The following HS3ST2 variants were observed in gnomAD, a reference collection of about 807,000 sequenced individuals.
The protein encoded by HS3ST2 is heparan sulfate glucosamine 3-O-sulfotransferase 2.
HS3ST2 carries 17 observed loss-of-function variants against 26.3 expected under a neutral mutation model. The observed-to-expected ratio is 0.65, with a 90% CI of 0.44 to 0.97. The LOEUF (loss-of-function observed/expected upper bound fraction) is 0.97, where lower values mean the gene tolerates loss of function less well. HS3ST2 is among the 50% of genes least tolerant of loss of function. HS3ST2 has a pLI of 0.00. For missense variants in HS3ST2, 402 were observed against 501.2 expected (o/e 0.80, Z 1.89); for synonymous variants, 237 against 219.2 (o/e 1.08, Z -0.72).
chr16:22,881,787 T>C (rs1298932599), intron 1 of HS3ST2, among the ~76,000 whole-genome samples: 1 of 152,192 alleles, frequency 6.6e-6, no homozygotes, highest in Non-Finnish European at 1.5e-5. Flanking sequence ...TGTGGGTCCT[T>C]TGCTCACTTC....
intron 1 of HS3ST2, among the ~76,000 whole-genome samples, chr16:22,894,132 G>A (rs1461630342): frequency 6.6e-6 from 1 of 151,962 alleles, no homozygotes; most frequent in Non-Finnish European, 1.5e-5. Flanking sequence ...TGCTTTCCTT[G>A]TAATACATTG....
At chr16:22,907,428 T>G (rs1902370380) in intron 1 of HS3ST2, among the ~76,000 whole-genome samples, 1 of 152,076 alleles carries the variant, frequency 6.6e-6, no homozygotes, top group Non-Finnish European at 1.5e-5. Flanking sequence ...GAAAAAACAA[T>G]AGGAGCATGG....
intron 1 of HS3ST2, among the ~76,000 whole-genome samples, chr16:22,832,151 C>CTTTTTT: frequency 8.7e-6 from 1 of 115,468 alleles, no homozygotes; most frequent in African/African-American, 3.2e-5. Flanking sequence ...CCCAGCTGAT[C>CTTTTTT]TTTTTTTTTT....
chr16:22,847,186 C>T (rs1022197013), intron 1 of HS3ST2, among the ~76,000 whole-genome samples: 5 of 152,174 alleles, frequency 3.3e-5, no homozygotes, highest in Admixed American at 6.5e-5. Flanking sequence ...ACTTTGAGTC[C>T]GTGTGTTCTC....
chr16:22,910,406 T>C (rs756627577), intron 1 of HS3ST2, among the ~76,000 whole-genome samples: 11 of 152,234 alleles, frequency 7.2e-5, no homozygotes, highest in South Asian at 2.1e-4. Context: ...GTTACACTTA[T>C]GTAATTTCAT....
chr16:22,858,629 G>A (rs1901634275), intron 1 of HS3ST2, among the ~76,000 whole-genome samples: 1 of 151,996 alleles, frequency 6.6e-6, no homozygotes, highest in South Asian at 2.1e-4. Context: ...TTATAAGGAT[G>A]TGAGAGTAGA....
rs1392260157 is a variant in HS3ST2, at chr16:22,831,926, T to C, written c.485+16831T>C. On this transcript the variant is annotated intron_variant, in intron 1 of 1. Transcript: ENST00000261374. ...TATACATGTGTTAAAATTCATAAAG[T>C]GAATACCAATAAAAAGATGATTTTA... Among the ~76,000 whole-genome samples the C allele has an allele frequency of 2.6e-5, 4 of 152,226 alleles. No homozygotes were observed. The East Asian group carries it at 5.8e-4, about 22-fold the overall frequency.
At chr16:22,910,769 C>T (rs559882498) in intron 1 of HS3ST2, among the ~76,000 whole-genome samples, 34 of 152,106 alleles carry the variant, frequency 2.2e-4, no homozygotes, top group African/African-American at 7.0e-4. Context: ...AGGTTCAAGG[C>T]GCCAATGGGT....
intron 1 of HS3ST2, among the ~76,000 whole-genome samples, chr16:22,823,150 A>T (rs1346204446): frequency 3.3e-5 from 5 of 152,238 alleles, no homozygotes; most frequent in Non-Finnish European, 7.3e-5. Flanking sequence ...TGCCATAATT[A>T]GAAAGTGATC....
chr16:22,845,965 A>C (rs1231703529), intron 1 of HS3ST2, among the ~76,000 whole-genome samples: 1 of 152,216 alleles, frequency 6.6e-6, no homozygotes, highest in East Asian at 1.9e-4. Context: ...GGCCCAGTCA[A>C]CACTTGTTAA....
intron 1 of HS3ST2, among the ~76,000 whole-genome samples, chr16:22,843,390 TC>T (rs1674428380): frequency 6.6e-6 from 1 of 152,136 alleles, no homozygotes; most frequent in African/African-American, 2.4e-5. Context: ...CCAAGACTGC[TC>T]CCTCCTGCCC....
chr16:22,877,978 A>T (rs958071440), intron 1 of HS3ST2, among the ~76,000 whole-genome samples: 39 of 152,200 alleles, frequency 2.6e-4, no homozygotes, highest in African/African-American at 8.9e-4. Flanking sequence ...GAGCCCACCC[A>T]CAAGACAATG....
intron 1 of HS3ST2, among the ~76,000 whole-genome samples, chr16:22,892,111 A>G (rs75439570): frequency 0.095 from 3,720 of 39,168 alleles, 72 homozygotes; most frequent in South Asian, 0.17. Context: ...CATCTCTACT[A>G]AAAAAAAAAA....
chr16:22,833,561 G>A (rs1344333889), intron 1 of HS3ST2: 1 of 338,644 alleles, frequency 3.0e-6, no homozygotes, highest in Non-Finnish European at 5.8e-6. Context: ...TTTTTGGGGA[G>A]TCTACTACTC....
chr16:22,875,469 C>T (rs1019053029), intron 1 of HS3ST2, among the ~76,000 whole-genome samples: 9 of 152,196 alleles, frequency 5.9e-5, no homozygotes, highest in East Asian at 5.8e-4. Context: ...CAACTTCCAC[C>T]TCCCGGGTTC....
intron 1 of HS3ST2, among the ~76,000 whole-genome samples, chr16:22,909,854 A>G (rs1902400656): frequency 6.6e-6 from 1 of 152,092 alleles, no homozygotes; most frequent in Admixed American, 6.5e-5. Context: ...AGCCTGACCA[A>G]CCTGGTGAAA....
At chr16:22,834,984 A>G (rs1901232904) in intron 1 of HS3ST2, among the ~76,000 whole-genome samples, 1 of 152,056 alleles carries the variant, frequency 6.6e-6, no homozygotes, top group African/African-American at 2.4e-5. Context: ...AGGATGTTTA[A>G]TGATTAATGC....
intron 1 of HS3ST2, among the ~76,000 whole-genome samples, chr16:22,881,586 A>G (rs208611): frequency 0.53 from 81,277 of 152,046 alleles, 22,258 homozygotes; most frequent in East Asian, 0.81. Context: ...GCTGACAGGA[A>G]TGGGAACAAA....
intron 1 of HS3ST2, among the ~76,000 whole-genome samples, chr16:22,898,940 C>A (rs1185718534): frequency 6.6e-6 from 1 of 152,138 alleles, no homozygotes; most frequent in African/African-American, 2.4e-5. Context: ...GGTTAATTTC[C>A]TCCAAGGAGG....
Sources: allele counts gnomAD v4.1 joint callset (sites outside exome capture counted in the v4.1 genomes callset), GRCh38; gene constraint gnomAD v4.1.1; transcripts MANE v1.5; gene names NCBI Gene and HGNC (gene_info 2026-07-23, HGNC 2026-07-21).